The following RNLS variants were observed in gnomAD, a reference collection of about 807,000 sequenced individuals.
RNLS encodes the protein renalase, FAD dependent amine oxidase, also known as renalase.
A neutral mutation model predicts 39.8 loss-of-function variants in RNLS; 39 were observed. That is an observed-to-expected ratio of 0.98 (90% CI 0.76 to 1.28). RNLS has a LOEUF of 1.28. Among genes scored for constraint, RNLS ranks in the 50% most tolerant of loss-of-function variants. The pLI is 0.00. For synonymous variants in RNLS, 147 were observed against 150.7 expected, an observed-to-expected ratio of 0.98 and a Z score of 0.18; for missense variants, 410 against 413.3, an observed-to-expected ratio of 0.99 and a Z score of 0.07.
At position 88,562,883 on chromosome 10, in the gene RNLS, T is replaced by C. The variant is rs182328764; in HGVS notation, c.526+10020A>G. 1.9e-4 allele frequency among the ~76,000 whole-genome samples: 29 copies of C among 152,258 alleles called. No individual in the cohort carries two copies. The East Asian group carries it at 5.0e-3, about 26-fold the overall frequency. ...AGAAAGAGATTTTTCATGCTGGATTTAAAAACTCAGGTAGGTATATTGTTC... is the reference window on the plus strand; with the variant it reads ...AGAAAGAGATTTTTCATGCTGGATTCAAAAACTCAGGTAGGTATATTGTTC... On this transcript the variant is annotated intron_variant, in intron 4 of 6. Coordinates refer to ENST00000331772, the MANE Select transcript of RNLS (RefSeq NM_001031709.3).
the RNLS span, among the ~76,000 whole-genome samples, chr10:88,185,119 TAATC>T: frequency 1.3e-5 from 2 of 152,192 alleles, no homozygotes; most frequent in Admixed American, 1.3e-4. Context: ...AGATTGTTAA[TAATC>T]TACTAGATTC....
chr10:88,271,812 C>T (rs2132575335), downstream of RNLS, among the ~76,000 whole-genome samples: 1 of 152,298 alleles, frequency 6.6e-6, no homozygotes, highest in African/African-American at 2.4e-5. Flanking sequence ...ATAAGACCTG[C>T]TCTCTTGTTC....
the RNLS span, among the ~76,000 whole-genome samples, chr10:88,237,374 T>G: frequency 1.3e-5 from 2 of 152,150 alleles, no homozygotes; most frequent in African/African-American, 2.4e-5. Flanking sequence ...AAAGCCTGAT[T>G]CATTCATCTA....
rs375572767 is a variant in RNLS, at chr10:88,575,159, TACACACAC to T, written c.368-2106_368-2099del. Among the ~76,000 whole-genome samples, 6 of 43,400 alleles carry T rather than the reference TACACACAC, an allele frequency of 1.4e-4. No individual in the cohort carries two copies. The South Asian group carries it at 2.7e-3, about 20-fold the overall frequency. The allele number at this position is 43,400 out of a possible 152,430, so 28.5% of individuals were successfully genotyped here. On this transcript the variant is annotated intron_variant, in intron 3 of 6. Coordinates refer to ENST00000331772, the MANE Select transcript of RNLS (RefSeq NM_001031709.3). Reference sequence around the variant, plus strand: ...ATATATATATATATATATATATATATACACACACACACACACACACATATTATATATAT... The same window carrying T: ...ATATATATATATATATATATATATATACACACACACACATATTATATATAT...
Position 88,450,666 on chromosome 10 carries a change from A to G in RNLS, c.527-87941T>C, listed in dbSNP as rs528060061. On this transcript the variant is annotated intron_variant, in intron 4 of 6. Coordinates refer to ENST00000331772, the MANE Select transcript of RNLS (RefSeq NM_001031709.3). ...TTGTTGGAATGCAGATCATCAACCAAAAGAAAGAGAAGAAAAGGATGGAAG... is the reference window on the plus strand; with the variant it reads ...TTGTTGGAATGCAGATCATCAACCAGAAGAAAGAGAAGAAAAGGATGGAAG... 7.9e-5 allele frequency among the ~76,000 whole-genome samples: 12 copies of G among 152,346 alleles called. No homozygotes were observed. In the East Asian group the frequency reaches 2.3e-3, roughly 29 times the overall value.
At chr10:88,237,096 G>A in the RNLS span, among the ~76,000 whole-genome samples, 23 of 152,070 alleles carry the variant, frequency 1.5e-4, no homozygotes, top group Non-Finnish European at 2.5e-4. Flanking sequence ...TGAAGGAAAC[G>A]TCTTCAAATT....
At chr10:88,445,595 C>T (rs1841988922) in intron 4 of RNLS, among the ~76,000 whole-genome samples, 1 of 152,036 alleles carries the variant, frequency 6.6e-6, no homozygotes, top group African/African-American at 2.4e-5. Flanking sequence ...CACACATAGG[C>T]TCAAAATAAA....
the RNLS span, among the ~76,000 whole-genome samples, chr10:88,193,207 C>A: frequency 1.3e-5 from 2 of 152,126 alleles, no homozygotes; most frequent in African/African-American, 4.8e-5. Context: ...AAAATGGGAA[C>A]TGAGAAGAAG....
chr10:88,486,880 T>C (rs1417246624), intron 4 of RNLS, among the ~76,000 whole-genome samples: 1 of 152,142 alleles, frequency 6.6e-6, no homozygotes, highest in African/African-American at 2.4e-5. Flanking sequence ...TAGCAGAATA[T>C]AAATCATTCT....
At chr10:88,400,065 T>C (rs1199010306) in intron 4 of RNLS, among the ~76,000 whole-genome samples, 4 of 152,028 alleles carry the variant, frequency 2.6e-5, no homozygotes, top group South Asian at 2.1e-4. Context: ...CACTCTCTTA[T>C]AGGGACACTT....
chr10:88,569,313 G>T (rs1849695466), intron 4 of RNLS, among the ~76,000 whole-genome samples: 1 of 97,244 alleles, frequency 1.0e-5, no homozygotes, highest in South Asian at 4.2e-4. Flanking sequence ...TAAAAACCAA[G>T]ATGTCACTTT....
At chr10:88,460,516 A>G (rs1842888706) in intron 4 of RNLS, among the ~76,000 whole-genome samples, 1 of 151,982 alleles carries the variant, frequency 6.6e-6, no homozygotes, top group African/African-American at 2.4e-5. Flanking sequence ...CCCGTTTATC[A>G]CCTTAATAGC....
intron 4 of RNLS, among the ~76,000 whole-genome samples, chr10:88,504,080 G>A (rs1270337462): frequency 6.6e-6 from 1 of 152,144 alleles, no homozygotes; most frequent in African/African-American, 2.4e-5. Context: ...GAGTGAGCTA[G>A]GAAGTAGATT....
At chr10:88,267,387 G>A in the RNLS span, among the ~76,000 whole-genome samples, 1 of 152,088 alleles carries the variant, frequency 6.6e-6, no homozygotes, top group South Asian at 2.1e-4. Flanking sequence ...ACCAGCCTGG[G>A]CAACATAGCG....
chr10:88,394,512 T>G (rs1018655382), intron 4 of RNLS, among the ~76,000 whole-genome samples: 1 of 152,224 alleles, frequency 6.6e-6, no homozygotes, highest in African/African-American at 2.4e-5. Context: ...TCACGCCAGT[T>G]AGAATGGCGT....
chr10:88,400,325 C>T (rs978406001), intron 4 of RNLS, among the ~76,000 whole-genome samples: 1 of 151,972 alleles, frequency 6.6e-6, no homozygotes, highest in Non-Finnish European at 1.5e-5. Flanking sequence ...CCTTTGATCT[C>T]CCTTTGTAGC....
At chr10:88,565,158 C>A (rs1400061931) in intron 4 of RNLS, among the ~76,000 whole-genome samples, 1 of 152,118 alleles carries the variant, frequency 6.6e-6, no homozygotes, top group Non-Finnish European at 1.5e-5. Flanking sequence ...AAATTTATTT[C>A]CCTGTGATAT....
At chr10:88,570,913 T>C (rs1353063378) in intron 4 of RNLS, among the ~76,000 whole-genome samples, 2 of 152,048 alleles carry the variant, frequency 1.3e-5, no homozygotes, top group Non-Finnish European at 2.9e-5. Flanking sequence ...TAATATCATA[T>C]TGTATACTTA....
chr10:88,556,806 A>G (rs1268110828), intron 4 of RNLS, among the ~76,000 whole-genome samples: 3 of 152,124 alleles, frequency 2.0e-5, no homozygotes, highest in African/African-American at 2.4e-5. Flanking sequence ...CTCACACTAT[A>G]TACAAGAGTA....
Sources: gnomAD v4.1 joint callset for allele counts (sites outside exome capture counted in the v4.1 genomes callset) on GRCh38, gnomAD v4.1.1 for gene constraint, MANE v1.5 for transcripts, NCBI Gene and HGNC (gene_info 2026-07-23, HGNC 2026-07-21) for gene names.